The following GPHN variants were observed in gnomAD, a reference collection of about 807,000 sequenced individuals.
The protein encoded by GPHN is gephyrin.
GPHN carries 17 observed loss-of-function variants against 95.5 expected under a neutral mutation model. That is an observed-to-expected ratio of 0.18 (90% CI 0.12 to 0.27). The LOEUF is 0.27. Among genes scored for constraint, GPHN ranks in the 10% least tolerant of loss-of-function variants. The probability of loss-of-function intolerance (pLI) is 1.00; values close to 1 mark genes in which losing one functional copy is unlikely to be tolerated. For missense variants in GPHN, 660 were observed against 978.1 expected, an observed-to-expected ratio of 0.67 and a Z score of 4.34; for synonymous variants, 320 against 322.5, an observed-to-expected ratio of 0.99 and a Z score of 0.08.
chr14:66,656,769 ATGT>A (rs538311240), intron 1 of GPHN, among the ~76,000 whole-genome samples: 376 of 152,268 alleles, frequency 2.5e-3, no homozygotes, highest in Admixed American at 4.7e-3. Flanking sequence ...TAATCAATAA[ATGT>A]TGTGTGTGTT....
chr14:67,322,112 A>T, the GPHN span, among the ~76,000 whole-genome samples: 1 of 152,132 alleles, frequency 6.6e-6, no homozygotes, highest in East Asian at 1.9e-4. Context: ...TTAGGACGCC[A>T]ATGTGGGTGG....
At chr14:67,587,171 A>G in the GPHN span, 26 of 1,613,864 alleles carry the variant, frequency 1.6e-5, no homozygotes, top group Non-Finnish European at 2.2e-5. Flanking sequence ...CAGCTGTGGG[A>G]ACTGGATGGA....
chr14:67,348,312 C>T, the GPHN span, among the ~76,000 whole-genome samples: 6 of 152,070 alleles, frequency 3.9e-5, no homozygotes, highest in Non-Finnish European at 7.4e-5. Flanking sequence ...TCAGGCGATC[C>T]GCCCACCTTG....
At chr14:67,335,953 T>C in the GPHN span, 1 of 151,952 alleles carries the variant, frequency 6.6e-6, no homozygotes, top group African/African-American at 2.4e-5. Flanking sequence ...CTTTTTGATT[T>C]GTTCTTTACA....
intron 3 of GPHN, among the ~76,000 whole-genome samples, chr14:66,794,210 G>T (rs2060078170): frequency 6.6e-6 from 1 of 152,152 alleles, no homozygotes. Flanking sequence ...CTCATGAATG[G>T]TTTAGTACCA....
chr14:67,549,722 C>T, the GPHN span, among the ~76,000 whole-genome samples: 2 of 152,164 alleles, frequency 1.3e-5, no homozygotes, highest in Non-Finnish European at 2.9e-5. Flanking sequence ...AGGCTGCATC[C>T]CTGAAGGAGT....
the GPHN span, among the ~76,000 whole-genome samples, chr14:67,282,666 A>C: frequency 6.6e-6 from 1 of 152,154 alleles, no homozygotes; most frequent in Non-Finnish European, 1.5e-5. Flanking sequence ...CTAGATTTCA[A>C]ATGAATAATT....
rs760638986 is a variant in GPHN, at chr14:66,965,254, A to T, written c.892A>T (p.Thr298Ser). Residue 298 changes from threonine to serine, a missense_variant, in exon 9 of 23, where the codon ACT becomes TCT. Coordinates refer to ENST00000478722, the MANE Select transcript of GPHN (RefSeq NM_020806.5). ...VLPRDTASLS[T>S]TPSESPRAQA... ...CCCACGAGACACAGCCTCCCTCAGC[A>T]CTACTCCTTCAGAATCGCCTCGTGC... is the stretch of plus-strand genomic sequence containing the variant. 2.5e-6 allele frequency: 4 copies of T among 1,612,434 alleles called. No homozygotes were observed. The South Asian group carries it at 3.3e-5, about 13-fold the overall frequency.
intron 2 of GPHN, among the ~76,000 whole-genome samples, chr14:66,762,498 A>G (rs996306886): frequency 1.3e-5 from 2 of 151,814 alleles, no homozygotes; most frequent in Admixed American, 1.3e-4. Context: ...TTATGACAGC[A>G]TTTATATATG....
chr14:66,532,721 T>C (rs1442576806), intron 1 of GPHN, among the ~76,000 whole-genome samples: 2 of 152,256 alleles, frequency 1.3e-5, no homozygotes, highest in South Asian at 2.1e-4. Flanking sequence ...CCTAGGAACA[T>C]TGGACCCAGG....
intron 13 of GPHN, among the ~76,000 whole-genome samples, chr14:67,106,805 T>C (rs999801767): frequency 1.3e-5 from 2 of 152,236 alleles, no homozygotes; most frequent in African/African-American, 4.8e-5. Flanking sequence ...TTGCAATTTC[T>C]TTTCCAGGAG....
At chr14:67,303,848 A>ACCTATGCCTT in the GPHN span, among the ~76,000 whole-genome samples, 1 of 151,864 alleles carries the variant, frequency 6.6e-6, no homozygotes, top group Non-Finnish European at 1.5e-5. Flanking sequence ...GCTCACTGCA[A>ACCTATGCCTT]CCTATGCCTT....
intron 1 of GPHN, among the ~76,000 whole-genome samples, chr14:66,669,214 A>G (rs1244235683): frequency 6.6e-6 from 1 of 151,798 alleles, no homozygotes; most frequent in Non-Finnish European, 1.5e-5. Flanking sequence ...AACCACAAAA[A>G]TTAGCTGGGC....
chr14:66,551,688 A>G (rs2059817190), intron 1 of GPHN, among the ~76,000 whole-genome samples: 1 of 152,228 alleles, frequency 6.6e-6, no homozygotes. Flanking sequence ...CTGTACAGGA[A>G]GCATAGCTGG....
At chr14:67,048,637 A>G (rs1319398944) in intron 10 of GPHN, among the ~76,000 whole-genome samples, 3 of 152,176 alleles carry the variant, frequency 2.0e-5, no homozygotes. Flanking sequence ...CCTCTGCCCC[A>G]ACTCTCAAAT....
chr14:67,153,931 C>G (rs2081433176), intron 18 of GPHN, among the ~76,000 whole-genome samples: 1 of 152,206 alleles, frequency 6.6e-6, no homozygotes, highest in Admixed American at 6.5e-5. Context: ...AGTTTTCTGT[C>G]TGTCACAGGA....
chr14:66,647,345 G>A (rs1252410230), intron 1 of GPHN, among the ~76,000 whole-genome samples: 3 of 151,204 alleles, frequency 2.0e-5, no homozygotes, highest in African/African-American at 4.9e-5. Flanking sequence ...ATTTAAAAAT[G>A]TATAGTAAAT....
intron 17 of GPHN, among the ~76,000 whole-genome samples, chr14:67,134,260 G>A (rs117189427): frequency 0.012 from 1,832 of 152,262 alleles, 19 homozygotes; most frequent in Non-Finnish European, 0.018. Context: ...TTCGATGGCT[G>A]TTAAAGTAAG....
rs368467327 is a variant in GPHN at position 66,799,588 on chromosome 14, T to G, written c.201+23067T>G. 5.9e-5 allele frequency among the ~76,000 whole-genome samples: 9 copies of G among 152,182 alleles called. No individual in the cohort carries two copies. In the East Asian group the frequency reaches 9.6e-4, roughly 16 times the overall value. On this transcript the variant is annotated intron_variant, in intron 3 of 22. Transcript: ENST00000478722. ...GACCTTCTTTGTCTCTTCTAATAGT[T>G]TGGCCTTGAAATCTATTTTGTCTGA...
Sources: gnomAD v4.1 joint callset for allele counts (sites outside exome capture counted in the v4.1 genomes callset) on GRCh38, gnomAD v4.1.1 for gene constraint, MANE v1.5 for transcripts, NCBI Gene and HGNC (gene_info 2026-07-23, HGNC 2026-07-21) for gene names.